CDH4: variants seen among roughly 807,000 people sequenced by gnomAD.
CDH4 encodes cadherin-4.
In CDH4, 33 loss-of-function variants were observed where a neutral mutation model predicts 86.0. The ratio of observed to expected loss-of-function variants is 0.38; its 90% CI spans 0.29 to 0.51. The LOEUF (loss-of-function observed/expected upper bound fraction) is 0.51, where lower values mean the gene tolerates loss of function less well. Among genes scored for constraint, CDH4 ranks in the 20% least tolerant of loss-of-function variants. The probability of loss-of-function intolerance (pLI) is 0.86; values close to 1 mark genes in which losing one functional copy is unlikely to be tolerated. For missense variants in CDH4, 1,114 were observed against 1,307.4 expected, an observed-to-expected ratio of 0.85 and a Z score of 2.28; for synonymous variants, 555 against 549.4, an observed-to-expected ratio of 1.01 and a Z score of -0.14.
chr20:61,396,537 C>G (rs1265755149), intron 2 of CDH4, among the ~76,000 whole-genome samples: 1 of 152,260 alleles, frequency 6.6e-6, no homozygotes, highest in Non-Finnish European at 1.5e-5. Flanking sequence ...GGCCATGGAA[C>G]TACTGAGTAA....
intron 2 of CDH4, among the ~76,000 whole-genome samples, chr20:61,604,720 T>C (rs993239459): frequency 1.3e-5 from 2 of 152,064 alleles, no homozygotes; most frequent in African/African-American, 4.8e-5. Context: ...CGTGTAGATT[T>C]GTTTTTCCTG....
chr20:61,777,792 G>A lies in CDH4; in HGVS notation c.576+4610G>A, dbSNP rs924575243. Among the ~76,000 whole-genome samples, 29 of 149,010 alleles carry A rather than the reference G, an allele frequency of 1.9e-4. 2 individuals are homozygous for A. Among genetic ancestry groups the A allele is most frequent in the Non-Finnish European group, 3.3e-4 (22 of 67,644 alleles). The stretch of plus-strand genomic sequence containing the variant: ...CATACAAAAACACACATCCACATGC[G>A]CACACACGTGCATACAAAAACACAC... On this transcript the variant is annotated intron_variant, in intron 4 of 15. Coordinates refer to ENST00000614565, the MANE Select transcript of CDH4 (RefSeq NM_001794.5).
At chr20:61,479,177 T>A (rs2085555535) in intron 2 of CDH4, among the ~76,000 whole-genome samples, 1 of 112,198 alleles carries the variant, frequency 8.9e-6, no homozygotes, top group South Asian at 2.6e-4. Context: ...GGTTTTTTGT[T>A]TTTTGTTTTT....
chr20:61,803,243 ACT>A (rs1272417899), intron 4 of CDH4, among the ~76,000 whole-genome samples: 10 of 151,890 alleles, frequency 6.6e-5, no homozygotes, highest in Admixed American at 3.3e-4. Flanking sequence ...CAGCCTGGGT[ACT>A]CTCCACGCTC....
chr20:61,610,277 T>A (rs893350353), intron 2 of CDH4, among the ~76,000 whole-genome samples: 2 of 152,200 alleles, frequency 1.3e-5, no homozygotes, highest in African/African-American at 4.8e-5. Context: ...ATTGGCTTAT[T>A]TTACATGAAA....
intron 2 of CDH4, among the ~76,000 whole-genome samples, chr20:61,368,444 C>T (rs925466865): frequency 1.3e-5 from 2 of 152,192 alleles, no homozygotes; most frequent in Admixed American, 1.3e-4. Flanking sequence ...AAGAAGCCTG[C>T]ACCAGACACT....
intron 4 of CDH4, among the ~76,000 whole-genome samples, chr20:61,777,482 GC>G (rs1474726093): frequency 6.6e-6 from 1 of 152,262 alleles, no homozygotes; most frequent in Non-Finnish European, 1.5e-5. Flanking sequence ...CGAGCTTAAT[GC>G]CAGGAAAGAT....
At chr20:61,259,756 T>C (rs1192884231) in intron 2 of CDH4, among the ~76,000 whole-genome samples, 1 of 152,204 alleles carries the variant, frequency 6.6e-6, no homozygotes, top group Non-Finnish European at 1.5e-5. Context: ...TCTAGACTCA[T>C]TTACACCAAT....
chr20:61,583,194 A>G lies in CDH4; in HGVS notation c.170-160369A>G, dbSNP rs75278599. The stretch of plus-strand genomic sequence containing the variant: ...GCGGGGGGGACAGAGGGCTCTGCGG[A>G]GGGACAGAGGGCTCTGCGGGGGGAC... On this transcript the variant is annotated intron_variant, in intron 2 of 15. Transcript: ENST00000614565. Among the ~76,000 whole-genome samples, 173 of 76,126 alleles carry G rather than the reference A, an allele frequency of 2.3e-3. 7 individuals are homozygous for G. The highest frequency in any genetic ancestry group is 9.4e-3 in the African/African-American group (148 of 15,742). The allele number at this position is 76,126 out of a possible 152,430, so 49.9% of individuals were successfully genotyped here.
chr20:61,335,475 C>T (rs1388203756), intron 2 of CDH4, among the ~76,000 whole-genome samples: 2 of 152,174 alleles, frequency 1.3e-5, no homozygotes, highest in Non-Finnish European at 2.9e-5. Context: ...CTCAGTGGGG[C>T]CTTCCAGGGC....
At chr20:61,545,493 C>T (rs1174126128) in intron 2 of CDH4, among the ~76,000 whole-genome samples, 3 of 152,230 alleles carry the variant, frequency 2.0e-5, no homozygotes, top group African/African-American at 7.2e-5. Flanking sequence ...TGGCGTCTGG[C>T]GTTCAGTCAC....
Position 61,517,406 on chromosome 20 carries a change from GCTGGTCTCAAGTGC to G in CDH4, c.170-226152_170-226139del, listed in dbSNP as rs1365975231. ...GACAAGGTCTCGCCGTGTTTCCCAG[GCTGGTCTCAAGTGC>G]CTGGCCTCAAGCAATCCTCCCACCT... On this transcript the variant is annotated intron_variant, in intron 2 of 15. Transcript: ENST00000614565. This position sits in a 1 kb window ranked among gnomAD's most constrained non-coding sequence, Gnocchi z 6.6. 6.6e-6 allele frequency among the ~76,000 whole-genome samples: 1 copy of G among 152,138 alleles called. No homozygotes were observed. The highest frequency in any genetic ancestry group is 1.9e-4 in the East Asian group (1 of 5,194).
intron 2 of CDH4, among the ~76,000 whole-genome samples, chr20:61,429,975 G>C (rs1189270812): frequency 1.3e-5 from 2 of 152,216 alleles, no homozygotes; most frequent in Non-Finnish European, 2.9e-5. Context: ...AGCATGGCTT[G>C]GAGCCATGCT....
chr20:61,617,915 T>C (rs2086738712), intron 2 of CDH4, among the ~76,000 whole-genome samples: 1 of 152,218 alleles, frequency 6.6e-6, no homozygotes, highest in Non-Finnish European at 1.5e-5. Context: ...TCTCCCATGC[T>C]GTTCTCATGG....
At chr20:61,297,425 C>T (rs751657225) in intron 2 of CDH4, among the ~76,000 whole-genome samples, 1 of 152,194 alleles carries the variant, frequency 6.6e-6, no homozygotes, top group Non-Finnish European at 1.5e-5. Flanking sequence ...AAAGTCCTGG[C>T]CTTAGGGTGT....
Position 61,486,484 on chromosome 20 carries a change from G to A in CDH4, c.169+231547G>A, listed in dbSNP as rs181550563. On this transcript the variant is annotated intron_variant, in intron 2 of 15. Transcript: ENST00000614565. Reference sequence around the variant, plus strand: ...GACAAGACTGGCTGTAGCTCTGAACGCTCATGGCTCAGCAAAGCCAGTGTC... The same window carrying A: ...GACAAGACTGGCTGTAGCTCTGAACACTCATGGCTCAGCAAAGCCAGTGTC... 3.7e-3 allele frequency among the ~76,000 whole-genome samples: 569 copies of A among 152,366 alleles called. 2 individuals are homozygous for A. Among genetic ancestry groups the A allele is most frequent in the Non-Finnish European group, 6.7e-3 (453 of 68,038 alleles).
chr20:61,787,872 G>A (rs1419357853), intron 4 of CDH4, among the ~76,000 whole-genome samples: 1 of 152,210 alleles, frequency 6.6e-6, no homozygotes, highest in Non-Finnish European at 1.5e-5. Context: ...GAAGAGCCAG[G>A]ATGTCAGAGG....
At chr20:61,777,362 G>A (rs187337357) in intron 4 of CDH4, among the ~76,000 whole-genome samples, 13 of 152,336 alleles carry the variant, frequency 8.5e-5, no homozygotes, top group African/African-American at 2.9e-4. Flanking sequence ...TGGCAGAAAC[G>A]TTAGCACTGC....
intron 2 of CDH4, among the ~76,000 whole-genome samples, chr20:61,699,443 C>T (rs1005842400): frequency 6.6e-6 from 1 of 152,218 alleles, no homozygotes; most frequent in Non-Finnish European, 1.5e-5. Context: ...CTCTCCACAG[C>T]TCTGCCCAGG....
Sources: allele counts gnomAD v4.1 joint callset (sites outside exome capture counted in the v4.1 genomes callset), GRCh38; gene constraint gnomAD v4.1.1; non-coding constraint Gnocchi (gnomAD v3.1); transcripts MANE v1.5; gene names NCBI Gene and HGNC (gene_info 2026-07-23, HGNC 2026-07-21).